TBX5: variants seen among roughly 807,000 people sequenced by gnomAD.
The protein encoded by TBX5 is T-box transcription factor 5.
Under a neutral mutation model 51.1 loss-of-function variants are expected in TBX5, and 8 were observed. The ratio of observed to expected loss-of-function variants is 0.16; its 90% confidence interval spans 0.09 to 0.28. The LOEUF (loss-of-function observed/expected upper bound fraction) is 0.28, where lower values mean the gene tolerates loss of function less well. Ranked by LOEUF, TBX5 falls within the 10% of genes least tolerant of loss-of-function variation. TBX5 has a pLI of 1.00. For synonymous variants in TBX5, 302 were observed against 266.4 expected, an observed-to-expected ratio of 1.13 and a Z score of -1.30; for missense variants, 589 against 671.7, an observed-to-expected ratio of 0.88 and a Z score of 1.36.
In TBX5 at chr12:114,356,118, G is replaced by T. The variant is rs201105444; in HGVS notation, c.983-12C>A. On this transcript the variant is annotated splice_polypyrimidine_tract_variant and intron_variant, in intron 8 of 8. Coordinates refer to ENST00000405440, the MANE Select transcript of TBX5 (RefSeq NM_181486.4). Reference sequence around the variant, plus strand: ...GGAACATTCTTCCTCTGTGAAGACAGGAGAGACAGCAGTGAGGCCAGGAGC... The same window carrying T: ...GGAACATTCTTCCTCTGTGAAGACATGAGAGACAGCAGTGAGGCCAGGAGC... 2 of 1,607,164 alleles carry T rather than the reference G, an allele frequency of 1.2e-6. No individual in the cohort carries two copies. Among genetic ancestry groups the T allele is most frequent in the South Asian group, 2.2e-5 (2 of 91,058 alleles).
intron 8 of TBX5, among the ~76,000 whole-genome samples, chr12:114,365,381 T>A (rs1593846017): frequency 6.6e-6 from 1 of 152,086 alleles, no homozygotes; most frequent in Non-Finnish European, 1.5e-5. Context: ...CTCCATTTTA[T>A]CCTTTCCAGT....
intron 8 of TBX5, among the ~76,000 whole-genome samples, chr12:114,361,856 G>A (rs1869258309): frequency 6.6e-6 from 1 of 152,188 alleles, no homozygotes; most frequent in Non-Finnish European, 1.5e-5. Flanking sequence ...CGGTTGGAAT[G>A]TTCCCTGTCA....
At chr12:114,362,147 G>A (rs1441084503) in intron 8 of TBX5, among the ~76,000 whole-genome samples, 3 of 152,054 alleles carry the variant, frequency 2.0e-5, no homozygotes, top group Non-Finnish European at 4.4e-5. Context: ...CACCCTGGTC[G>A]GAGCCACCAT....
At chr12:114,382,691 G>A (rs962655034) in intron 7 of TBX5, among the ~76,000 whole-genome samples, 6 of 152,158 alleles carry the variant, frequency 3.9e-5, no homozygotes, top group African/African-American at 1.4e-4. Flanking sequence ...CAGCTACTCA[G>A]GAGGCTGAGG....
At chr12:114,400,355 A>G (rs1254132496) in intron 3 of TBX5, among the ~76,000 whole-genome samples, 2 of 152,234 alleles carry the variant, frequency 1.3e-5, no homozygotes, top group African/African-American at 4.8e-5. Flanking sequence ...GGTTTCAGAA[A>G]AAGCTGAGGC....
chr12:114,407,094 C>T (rs762821148), upstream of TBX5: 8 of 985,210 alleles, frequency 8.1e-6, no homozygotes, highest in Non-Finnish European at 9.6e-6. Context: ...AGGAGAAATG[C>T]CCCGAGGTCA....
At chr12:114,399,236 C>G (rs980344891) in intron 4 of TBX5, among the ~76,000 whole-genome samples, 8 of 152,088 alleles carry the variant, frequency 5.3e-5, no homozygotes, top group South Asian at 2.1e-4. Flanking sequence ...GTAACAATAC[C>G]CTTTGTAAAA....
chr12:114,397,624 G>A (rs1871508177), intron 5 of TBX5, among the ~76,000 whole-genome samples: 1 of 152,166 alleles, frequency 6.6e-6, no homozygotes, highest in Non-Finnish European at 1.5e-5. Context: ...ATTCTTTTGG[G>A]TGGTGAGCAG....
At chr12:114,369,202 T>C (rs541195790) in intron 7 of TBX5, among the ~76,000 whole-genome samples, 159 of 152,080 alleles carry the variant, frequency 1.0e-3, no homozygotes, top group Non-Finnish European at 1.8e-3. Context: ...TTAAAGAAAA[T>C]AACCTCCAAA....
chr12:114,395,506 G>A (rs1467970750), intron 5 of TBX5, among the ~76,000 whole-genome samples: 1 of 152,164 alleles, frequency 6.6e-6, no homozygotes, highest in Non-Finnish European at 1.5e-5. Flanking sequence ...TTCGTGAAAA[G>A]AGAAGATATT....
intron 7 of TBX5, among the ~76,000 whole-genome samples, chr12:114,377,547 T>C (rs1383506636): frequency 6.6e-6 from 1 of 151,594 alleles, no homozygotes; most frequent in South Asian, 2.1e-4. Context: ...CAGGCTATCA[T>C]GTCCAGTTAA....
At chr12:114,388,675 C>CGTGT (rs59385091) in intron 6 of TBX5, among the ~76,000 whole-genome samples, 5,210 of 124,258 alleles carry the variant, frequency 0.042, 130 homozygotes, top group Non-Finnish European at 0.053. Context: ...TTAAAGTATC[C>CGTGT]GTGTGTGTGT....
chr12:114,399,898 G>A (rs1310968464), intron 3 of TBX5, among the ~76,000 whole-genome samples: 1 of 152,170 alleles, frequency 6.6e-6, no homozygotes, highest in Non-Finnish European at 1.5e-5. Flanking sequence ...TCTAGAGAAC[G>A]GGTTTTGAAG....
upstream of TBX5, among the ~76,000 whole-genome samples, chr12:114,406,848 G>GT (rs1048293251): frequency 6.8e-6 from 1 of 147,958 alleles, no homozygotes; most frequent in Non-Finnish European, 1.5e-5. Flanking sequence ...TCTCTGAGAT[G>GT]TATTTTTTTT....
chr12:114,403,539 G>A (rs1190368773), intron 2 of TBX5, among the ~76,000 whole-genome samples: 3 of 152,238 alleles, frequency 2.0e-5, no homozygotes. Context: ...TCACAATAAA[G>A]TAGATGGCAA....
At chr12:114,378,592 C>G (rs1340485172) in intron 7 of TBX5, among the ~76,000 whole-genome samples, 1 of 152,190 alleles carries the variant, frequency 6.6e-6, no homozygotes, top group Admixed American at 6.5e-5. Flanking sequence ...GAAGAGAGAA[C>G]TTGTCCTCCC....
chr12:114,408,065 A>G (rs1872339264), upstream of TBX5: 1 of 985,336 alleles, frequency 1.0e-6, no homozygotes, highest in African/African-American at 1.7e-5. Flanking sequence ...GGCGATAGCG[A>G]CTATCTCACC....
chr12:114,402,002 G>A lies in TBX5; in HGVS notation c.148-82C>T, dbSNP rs527318030. The A allele has an allele frequency of 1.9e-5, 23 of 1,213,274 alleles. No homozygotes were observed. In the African/African-American group the frequency reaches 2.7e-4, roughly 14 times the overall value. 75.2% of individuals were successfully genotyped at this position (1,213,274 alleles called of 1,614,324 possible). ...TCCCCAAACTCCCCCAAAACACAGA[G>A]ACTGCTCCTCCTTCCCGCTGGAGCC... On this transcript the variant is annotated intron_variant, in intron 2 of 8. Transcript: ENST00000405440.
intron 7 of TBX5, among the ~76,000 whole-genome samples, chr12:114,381,459 G>A (rs1374948047): frequency 6.6e-6 from 1 of 152,296 alleles, no homozygotes; most frequent in South Asian, 2.1e-4. Context: ...GGGGTTGGGA[G>A]AATGACCCAA....
Sources: gnomAD v4.1 joint callset for allele counts (sites outside exome capture counted in the v4.1 genomes callset) on GRCh38, gnomAD v4.1.1 for gene constraint, MANE v1.5 for transcripts, NCBI Gene and HGNC (gene_info 2026-07-23, HGNC 2026-07-21) for gene names.